SHROOM2: variants seen among roughly 807,000 people sequenced by gnomAD.
The protein encoded by SHROOM2 is shroom family member 2.
A neutral mutation model predicts 75.9 loss-of-function variants in SHROOM2; 33 were observed. The observed-to-expected ratio is 0.43, with a 90% confidence interval of 0.33 to 0.58. The LOEUF is 0.58. SHROOM2 is among the 20% of genes least tolerant of loss of function. The pLI, the probability that SHROOM2 is intolerant of heterozygous loss-of-function variation, is 0.04. For synonymous variants in SHROOM2, 655 were observed against 663.6 expected, an observed-to-expected ratio of 0.99 and a Z score of 0.20; for missense variants, 1,434 against 1,461.2, an observed-to-expected ratio of 0.98 and a Z score of 0.30.
At chrX:9,800,784 C>T (rs1356117616) in intron 1 of SHROOM2, among the ~76,000 whole-genome samples, 4 of 109,868 alleles carry the variant, frequency 3.6e-5, no homozygotes, top group East Asian at 5.7e-4. Context: ...CCTCAGCCTC[C>T]GAGATAGCTG....
At chrX:9,841,324 T>C (rs1180825411) in intron 1 of SHROOM2, among the ~76,000 whole-genome samples, 12 of 112,068 alleles carry the variant, frequency 1.1e-4, no homozygotes, top group African/African-American at 3.6e-4. Flanking sequence ...ATAATATGTA[T>C]GTGAGGATTT....
At chrX:9,855,053 G>A (rs1335089630) in intron 1 of SHROOM2, among the ~76,000 whole-genome samples, 1 of 104,387 alleles carries the variant, frequency 9.6e-6, no homozygotes, top group Non-Finnish European at 1.9e-5. Context: ...TTACATATGT[G>A]TAAGTGGTCC....
intron 5 of SHROOM2, among the ~76,000 whole-genome samples, chrX:9,929,928 T>C (rs5978351): frequency 0.24 from 26,223 of 110,350 alleles, 2,460 homozygotes; most frequent in African/African-American, 0.34. Flanking sequence ...TTTCCGCTTT[T>C]GCTTCCTCCG....
intron 8 of SHROOM2, among the ~76,000 whole-genome samples, chrX:9,942,229 A>T (rs893076259): frequency 9.0e-6 from 1 of 111,578 alleles, no homozygotes; most frequent in African/African-American, 3.3e-5. Context: ...AAAGGCACAA[A>T]CCACTTTTCC....
rs752327292 is a variant in SHROOM2, at chrX:9,932,238, G to A, written c.2955G>A (p.Lys985=). The change falls in exon 6 of 10, where the codon AAG becomes AAA. Residue 985 remains lysine, a synonymous_variant. Transcript: ENST00000380913. Reference sequence around the variant, plus strand: ...CACAGCAGCACCCACCGAGTCAGAAGGCACCGAACCCACCCACATTCTCTG... The same window carrying A: ...CACAGCAGCACCCACCGAGTCAGAAAGCACCGAACCCACCCACATTCTCTG... ...PGSQQHPPSQ[K]APNPPTFSEL... is the part of the protein sequence containing the mutation. The A allele has an allele frequency of 6.9e-6, 8 of 1,167,314 alleles. No individual in the cohort carries two copies. In the Admixed American group the frequency reaches 1.8e-4, roughly 26 times the overall value.
chrX:9,921,656 T>C (rs1602002193), intron 5 of SHROOM2, among the ~76,000 whole-genome samples: 1 of 112,282 alleles, frequency 8.9e-6, no homozygotes, highest in Non-Finnish European at 1.9e-5. Flanking sequence ...CCATTCATTC[T>C]ATTTGAAAGT....
At chrX:9,900,857 C>T (rs949550706) in intron 5 of SHROOM2, among the ~76,000 whole-genome samples, 1 of 110,269 alleles carries the variant, frequency 9.1e-6, no homozygotes, top group Admixed American at 9.7e-5. Context: ...GCCCCCACCC[C>T]CACTGCCATC....
Position 9,944,623 on chromosome X carries a change from C to T in SHROOM2, c.4312-18C>T, listed in dbSNP as rs769537431. ...TAACCAGTGTCTCCGTGTTCCCTTG[C>T]CATCCCGTGCCCAACAGCAGGAGCT... On this transcript the variant is annotated intron_variant, in intron 8 of 9. Coordinates refer to ENST00000380913, the MANE Select transcript of SHROOM2 (RefSeq NM_001649.4). 3 of 1,192,584 alleles carry T rather than the reference C, an allele frequency of 2.5e-6. No homozygotes were observed. The South Asian group carries it at 5.5e-5, about 22-fold the overall frequency.
Position 9,894,496 on chromosome X carries a change from C to T in SHROOM2, c.588C>T (p.Ser196=), listed in dbSNP as rs184520696. 5 of 1,208,136 alleles carry T rather than the reference C, an allele frequency of 4.1e-6. No homozygotes were observed. The Admixed American group carries it at 8.8e-5, about 21-fold the overall frequency. ...TCTCGGTGGCCAAGTCCAACAGCAG[C>T]ATCGACCACCTGGGCAGCCACAGCA... ...SRLSVAKSNS[S]IDHLGSHSKR... is the part of the protein sequence containing the mutation. The change falls in exon 4 of 10, where the codon AGC becomes AGT. Residue 196 remains serine (S), a synonymous_variant. Coordinates refer to ENST00000380913, the MANE Select transcript of SHROOM2 (RefSeq NM_001649.4).
At chrX:9,837,413 G>C (rs776709981) in intron 1 of SHROOM2, among the ~76,000 whole-genome samples, 2 of 112,783 alleles carry the variant, frequency 1.8e-5, no homozygotes, top group Non-Finnish European at 3.8e-5. Context: ...AAAATCTCCA[G>C]CTTCCTTCAA....
At chrX:9,833,368 A>C (rs139338919) in intron 1 of SHROOM2, among the ~76,000 whole-genome samples, 4 of 111,644 alleles carry the variant, frequency 3.6e-5, no homozygotes, top group Non-Finnish European at 5.7e-5. Context: ...CATTTTCCCA[A>C]AGTGCTGGAA....
intron 1 of SHROOM2, among the ~76,000 whole-genome samples, chrX:9,858,700 G>A (rs1253744029): frequency 1.8e-5 from 2 of 111,902 alleles, no homozygotes; most frequent in African/African-American, 3.3e-5. Context: ...AGCTACTTGG[G>A]AGGCTGAGGC....
chrX:9,829,631 T>C (rs1460709551), intron 1 of SHROOM2, among the ~76,000 whole-genome samples: 2 of 112,222 alleles, frequency 1.8e-5, no homozygotes, highest in East Asian at 5.6e-4. Flanking sequence ...GTACAAGGCA[T>C]TTTTTTAAAT....
chrX:9,902,259 A>G (rs1303914262), intron 5 of SHROOM2, among the ~76,000 whole-genome samples: 3 of 108,172 alleles, frequency 2.8e-5, no homozygotes, highest in Non-Finnish European at 3.8e-5. Context: ...AAGTAGATGG[A>G]TGGATGAAAG....
intron 1 of SHROOM2, among the ~76,000 whole-genome samples, chrX:9,865,786 T>G (rs1272289853): frequency 9.1e-6 from 1 of 110,029 alleles, no homozygotes; most frequent in Non-Finnish European, 1.9e-5. Flanking sequence ...GGTCTCGATC[T>G]CCTGACCTCA....
In SHROOM2 at chrX:9,822,985, ATTCTTCTTC is replaced by A. The variant is rs1193729528; in HGVS notation, c.165+36298_165+36306del. Among the ~76,000 whole-genome samples the A allele has an allele frequency of 5.5e-3, 484 of 88,172 alleles. 9 individuals are homozygous for A. Among genetic ancestry groups the A allele is most frequent in the African/African-American group, 0.022 (463 of 21,294 alleles). The allele number at this position is 88,172 out of a possible 115,157, so 76.6% of individuals were successfully genotyped here. On this transcript the variant is annotated intron_variant, in intron 1 of 9. Transcript: ENST00000380913. Reference sequence around the variant, plus strand: ...CTCAATTTTGAGAATAAGAATAATAATTCTTCTTCTTCTTCTTCTTCTTCTTCTTCTCCT... The same window carrying A: ...CTCAATTTTGAGAATAAGAATAATAATTCTTCTTCTTCTTCTTCTTCTCCT...
intron 1 of SHROOM2, among the ~76,000 whole-genome samples, chrX:9,809,049 C>G (rs767869807): frequency 8.3e-5 from 9 of 108,936 alleles, no homozygotes; most frequent in Non-Finnish European, 1.5e-4. Flanking sequence ...TCCCCTTTCC[C>G]TCCCTTCCCC....
At chrX:9,940,098 T>C (rs1186124752) in intron 8 of SHROOM2, among the ~76,000 whole-genome samples, 1 of 112,384 alleles carries the variant, frequency 8.9e-6, no homozygotes, top group Non-Finnish European at 1.9e-5. Flanking sequence ...GGTAACTTTT[T>C]GGTTCAAGGT....
At chrX:9,934,554 G>A (rs943586077) in intron 6 of SHROOM2, among the ~76,000 whole-genome samples, 3 of 111,231 alleles carry the variant, frequency 2.7e-5, no homozygotes, top group South Asian at 3.8e-4. Context: ...TAGACTGCAC[G>A]GCTCATTAAC....
Sources: gnomAD v4.1 joint callset for allele counts (sites outside exome capture counted in the v4.1 genomes callset) on GRCh38, gnomAD v4.1.1 for gene constraint, MANE v1.5 for transcripts, NCBI Gene and HGNC (gene_info 2026-07-23, HGNC 2026-07-21) for gene names.